The following ATP8B4 variants were observed in gnomAD, a reference collection of about 807,000 sequenced individuals.
ATP8B4 encodes the protein ATPase phospholipid transporting 8B4 (putative).
In ATP8B4, 133 loss-of-function variants were observed where a neutral mutation model predicts 145.6. That is an observed-to-expected ratio of 0.91 (90% CI 0.79 to 1.05). The LOEUF is 1.05. Among genes scored for constraint, ATP8B4 ranks in the 50% least tolerant of loss-of-function variants. The pLI is 0.00. For missense variants in ATP8B4, 1,458 were observed against 1,425.2 expected (o/e 1.02, Z -0.37); for synonymous variants, 507 against 492.9 (o/e 1.03, Z -0.38).
At chr15:50,172,153 A>T (rs2555487) in intron 1 of ATP8B4, among the ~76,000 whole-genome samples, 1 of 152,082 alleles carries the variant, frequency 6.6e-6, no homozygotes, top group Non-Finnish European at 1.5e-5. Context: ...TCTCCCTCCC[A>T]CTCCCGCTCC....
intron 6 of ATP8B4, among the ~76,000 whole-genome samples, chr15:50,034,627 C>T (rs935582879): frequency 2.0e-5 from 3 of 152,180 alleles, no homozygotes; most frequent in African/African-American, 7.2e-5. Flanking sequence ...CCTGTCTGTA[C>T]ATTAGATTCA....
At chr15:50,004,315 T>A (rs977785536) in intron 7 of ATP8B4, among the ~76,000 whole-genome samples, 7 of 152,152 alleles carry the variant, frequency 4.6e-5, no homozygotes, top group Admixed American at 4.6e-4. Flanking sequence ...TCTAGTGCCC[T>A]CAGTCATAAT....
intron 1 of ATP8B4, among the ~76,000 whole-genome samples, chr15:50,129,399 C>T (rs1025592680): frequency 1.5e-4 from 23 of 152,174 alleles, no homozygotes; most frequent in Non-Finnish European, 2.9e-4. Flanking sequence ...TGCCTCTCTT[C>T]AGCTTCTGGT....
At chr15:50,005,478 G>A (rs1028245785) in intron 7 of ATP8B4, among the ~76,000 whole-genome samples, 1 of 152,174 alleles carries the variant, frequency 6.6e-6, no homozygotes, top group African/African-American at 2.4e-5. Context: ...CTGTGAGTGA[G>A]TAGTATTATT....
At chr15:49,896,128 T>G (rs191185570) in intron 23 of ATP8B4, 1 of 152,312 alleles carries the variant, frequency 6.6e-6, no homozygotes, top group Non-Finnish European at 1.5e-5. Context: ...TACTCTGAAG[T>G]AGCACTAAGA....
chr15:50,091,864 T>G (rs1452332493), intron 2 of ATP8B4, among the ~76,000 whole-genome samples: 1 of 152,156 alleles, frequency 6.6e-6, no homozygotes, highest in Non-Finnish European at 1.5e-5. Flanking sequence ...CAGTAACTTG[T>G]GTCAGGACCA....
intron 26 of ATP8B4, among the ~76,000 whole-genome samples, chr15:49,864,520 T>C (rs946157154): frequency 2.0e-5 from 3 of 152,202 alleles, no homozygotes; most frequent in Non-Finnish European, 4.4e-5. Flanking sequence ...TTTCAAAACC[T>C]CTGAGAAAGT....
intron 6 of ATP8B4, among the ~76,000 whole-genome samples, chr15:50,026,467 ATG>A (rs550693933): frequency 5.6e-4 from 85 of 152,310 alleles, no homozygotes; most frequent in African/African-American, 1.9e-3. Context: ...CTCAGACCTC[ATG>A]TGCAGAAGTA....
intron 17 of ATP8B4, chr15:49,922,338 A>G (rs770647821): frequency 1.4e-5 from 6 of 414,390 alleles, no homozygotes; most frequent in East Asian, 1.5e-4. Flanking sequence ...AGTAACGGCA[A>G]TAAGTCAGAC....
Position 49,879,458 on chromosome 15 carries a change from G to A in ATP8B4, c.2699C>T (p.Thr900Ile). Reference protein sequence around the residue: ...FGFFCGFSAQTVYDQWFITLF... With the variant: ...FGFFCGFSAQIVYDQWFITLF... ...GGTGATGAACCACTGGTCATAAACA[G>A]TCTGAAAAGAAATATAACATATAAG... The change falls in exon 24 of 28, where the codon ACT becomes ATT. Residue 900 changes from threonine (T) to isoleucine (I), a missense_variant and splice_region_variant. Transcript: ENST00000284509. 6.3e-7 allele frequency: 1 copy of A among 1,599,774 alleles called. No homozygotes were observed. Among genetic ancestry groups the A allele is most frequent in the Non-Finnish European group, 8.6e-7 (1 of 1,169,296 alleles).
chr15:50,084,015 A>G (rs2054729360), intron 2 of ATP8B4, among the ~76,000 whole-genome samples: 1 of 152,224 alleles, frequency 6.6e-6, no homozygotes. Context: ...CATCACATCC[A>G]GACGGGTGGC....
intron 2 of ATP8B4, among the ~76,000 whole-genome samples, chr15:50,075,792 A>G (rs1216414346): frequency 6.6e-6 from 1 of 152,214 alleles, no homozygotes; most frequent in African/African-American, 2.4e-5. Context: ...ACAAAGAATT[A>G]AAACATCAAA....
chr15:49,966,498 C>A (rs1166188398), intron 13 of ATP8B4, among the ~76,000 whole-genome samples: 1 of 152,190 alleles, frequency 6.6e-6, no homozygotes, highest in Non-Finnish European at 1.5e-5. Context: ...GTAAACAAAG[C>A]CAGGATGTTC....
chr15:50,006,148 AC>A (rs2048282531), intron 7 of ATP8B4, among the ~76,000 whole-genome samples: 1 of 152,158 alleles, frequency 6.6e-6, no homozygotes, highest in South Asian at 2.1e-4. Context: ...ACTAATATGT[AC>A]GGGATACATC....
At chr15:49,899,677 G>A (rs1416750088) in intron 21 of ATP8B4, among the ~76,000 whole-genome samples, 4 of 151,572 alleles carry the variant, frequency 2.6e-5, no homozygotes, top group Non-Finnish European at 4.4e-5. Context: ...GAAAAACTAT[G>A]CTAAGACTCT....
At chr15:49,938,817 T>C (rs2041939536) in intron 14 of ATP8B4, among the ~76,000 whole-genome samples, 1 of 152,266 alleles carries the variant, frequency 6.6e-6, no homozygotes, top group Non-Finnish European at 1.5e-5. Flanking sequence ...ACTTCTCTTC[T>C]GCACGTGACA....
chr15:49,942,239 T>C (rs1782837671), intron 14 of ATP8B4, among the ~76,000 whole-genome samples: 2 of 151,888 alleles, frequency 1.3e-5, no homozygotes, highest in East Asian at 1.9e-4. Flanking sequence ...ATAGGAATCA[T>C]ACAATGATAC....
chr15:50,064,076 G>C (rs2053213055), intron 3 of ATP8B4, among the ~76,000 whole-genome samples: 1 of 152,088 alleles, frequency 6.6e-6, no homozygotes, highest in Non-Finnish European at 1.5e-5. Flanking sequence ...TCTGTAAAGA[G>C]AGTTGAATGG....
chr15:49,993,947 T>C (rs1482657828), intron 9 of ATP8B4, among the ~76,000 whole-genome samples: 2 of 152,182 alleles, frequency 1.3e-5, no homozygotes, highest in Non-Finnish European at 1.5e-5. Flanking sequence ...GCCCATTCTG[T>C]ATGAAGCAAA....
Sources: allele counts gnomAD v4.1 joint callset (sites outside exome capture counted in the v4.1 genomes callset), GRCh38; gene constraint gnomAD v4.1.1; transcripts MANE v1.5; gene names NCBI Gene and HGNC (gene_info 2026-07-23, HGNC 2026-07-21).